CD81: variants seen among roughly 807,000 people sequenced by gnomAD.
CD81 encodes CD81 molecule.
In CD81, 10 loss-of-function variants were observed where a neutral mutation model predicts 30.1. That is an observed-to-expected ratio of 0.33 (90% confidence interval 0.21 to 0.56). The LOEUF (loss-of-function observed/expected upper bound fraction) is 0.56. Ranked by LOEUF, CD81 falls within the 20% of genes least tolerant of loss-of-function variation. The pLI is 0.89. For synonymous variants in CD81, 147 were observed against 126.4 expected (o/e 1.16, Z -1.10); for missense variants, 263 against 308.7 (o/e 0.85, Z 1.11).
intron 6 of CD81, 62 bp downstream of exon 6, chr11:2,396,032 T>C: frequency 8.7e-7 from 1 of 1,151,488 alleles, no homozygotes; most frequent in Non-Finnish European, 1.3e-6. Flanking sequence ...GGTGGGGTCC[T>C]AGGGGTGGGC....
rs868456929 is a variant in CD81 at position 2,390,871 on chromosome 11, G to A, written c.181+345G>A. 2.2e-4 allele frequency among the ~76,000 whole-genome samples: 34 copies of A among 151,980 alleles called. No homozygotes were observed. The Middle Eastern group carries it at 0.02, about 91-fold the overall frequency. On this transcript the variant is annotated intron_variant, in intron 2 of 7. Transcript: ENST00000263645. Reference sequence around the variant, plus strand: ...ACACAGAGCAGCCGAGGCAGCTGGCGCTGTGGAGCCCGGGAGGGAGGGAGG... The same window carrying A: ...ACACAGAGCAGCCGAGGCAGCTGGCACTGTGGAGCCCGGGAGGGAGGGAGG...
intron 3 of CD81, 26 bp downstream of exon 3, chr11:2,394,218 C>T (rs1236725910): frequency 6.5e-7 from 1 of 1,528,552 alleles, no homozygotes; most frequent in East Asian, 2.3e-5. Flanking sequence ...GGGCCTGTGC[C>T]TGGGCCGGGG....
intron 1 of CD81, among the ~76,000 whole-genome samples, chr11:2,381,112 G>T (rs1050489682): frequency 6.6e-6 from 1 of 152,240 alleles, no homozygotes; most frequent in Admixed American, 6.5e-5. Context: ...TGGGTGTGTG[G>T]ACTTTCCCTG....
At chr11:2,384,251 CATCCCCA>C (rs1413943767) in intron 1 of CD81, among the ~76,000 whole-genome samples, 1 of 151,750 alleles carries the variant, frequency 6.6e-6, no homozygotes, top group Non-Finnish European at 1.5e-5. Context: ...AGCCACCCTC[CATCCCCA>C]ATCCCCAGCA....
At chr11:2,396,413 A>G (rs1850004379) in intron 6 of CD81, 1 of 621,050 alleles carries the variant, frequency 1.6e-6, no homozygotes, top group Non-Finnish European at 2.9e-6. Context: ...AGTGTGTCCC[A>G]GGCATTTCGC....
At chr11:2,380,842 G>T (rs1849692996) in intron 1 of CD81, among the ~76,000 whole-genome samples, 1 of 152,252 alleles carries the variant, frequency 6.6e-6, no homozygotes, top group Non-Finnish European at 1.5e-5. Context: ...TCCCCGCAGG[G>T]AGAAGAGCGG....
Position 2,395,968 on chromosome 11 carries a change from A to G in CD81, c.559A>G (p.Lys187Glu), listed in dbSNP as rs773821387. 1 of 1,604,900 alleles carries G rather than the reference A, an allele frequency of 6.2e-7. No individual in the cohort carries two copies. Among genetic ancestry groups the G allele is most frequent in the South Asian group, 1.1e-5 (1 of 90,960 alleles). ...SGSNIISNLF[K>E]EDCHQKIDDL... is the part of the protein sequence containing the mutation. The stretch of plus-strand genomic sequence containing the variant: ...CAGCAACATCATCAGCAACCTCTTC[A>G]AGGTGCGCGAGGCCGGTGGGGCCGC... Residue 187 changes from lysine to glutamate, a missense_variant and splice_region_variant, in exon 6 of 8, where the codon AAG becomes GAG. Around this residue, in one of 3 missense-constraint regions of CD81, gnomAD observed 176 missense variants for 192.9 expected, o/e 0.91. Coordinates refer to ENST00000263645, the MANE Select transcript of CD81 (RefSeq NM_004356.4).
chr11:2,382,061 C>G (rs926812844), intron 1 of CD81, among the ~76,000 whole-genome samples: 1 of 152,192 alleles, frequency 6.6e-6, no homozygotes, highest in Non-Finnish European at 1.5e-5. Flanking sequence ...TCCAGGTAGG[C>G]CCCCAGTGCT....
At chr11:2,394,924 G>C (rs375110519) in intron 3 of CD81, 48 bp from the exon 4 acceptor site, 12 of 1,553,974 alleles carry the variant, frequency 7.7e-6, no homozygotes, top group East Asian at 2.2e-5. Flanking sequence ...CTTGGGCCCC[G>C]CCTACAGCCT....
rs184990654 is a variant in CD81, at chr11:2,378,594, G to T, written c.66+979G>T. Reference sequence around the variant, plus strand: ...TCGCCTTTTGTTTCCATTTCCTGTCGGTGTTAGAATTGGGGAGGGGGTGGA... The same window carrying T: ...TCGCCTTTTGTTTCCATTTCCTGTCTGTGTTAGAATTGGGGAGGGGGTGGA... On this transcript the variant is annotated intron_variant, in intron 1 of 7. Transcript: ENST00000263645. The surrounding 1 kb of genome is among the most constrained non-coding windows in gnomAD (Gnocchi z 4.9). Among the ~76,000 whole-genome samples the T allele has an allele frequency of 2.8e-5, 4 of 143,576 alleles. No homozygotes were observed. The highest frequency in any genetic ancestry group is 6.0e-5 in the African/African-American group (2 of 33,382). The allele number at this position is 143,576 out of a possible 152,430, so 94.2% of individuals were successfully genotyped here. A position where few individuals can be genotyped will look rare whatever the true frequency, so the allele number is the denominator to read the frequency against.
Position 2,377,734 on chromosome 11 carries a change from C to CA in CD81, c.66+120dup. The CA allele has an allele frequency of 4.7e-6, 2 of 421,690 alleles. No individual in the cohort carries two copies. Among genetic ancestry groups the CA allele is most frequent in the Non-Finnish European group, 7.7e-6 (2 of 260,496 alleles). The allele number at this position is 421,690 out of a possible 1,614,324, so 26.1% of individuals were successfully genotyped here. A position where few individuals can be genotyped will look rare whatever the true frequency, so the allele number is the denominator to read the frequency against. On this transcript the variant is annotated intron_variant, in intron 1 of 7. Transcript: ENST00000263645. The surrounding 1 kb of genome is among the most constrained non-coding windows in gnomAD (Gnocchi z 7.7). ...AGCGCGGGCCGCGAAGTTGTGGGGC[C>CA]ACCTGTGGGCTCCAGGAGCGGGGTG...
intron 6 of CD81, 62 bp downstream of exon 6, chr11:2,396,032 TA>T (rs1849994678): frequency 1.7e-6 from 2 of 1,151,488 alleles, no homozygotes; most frequent in Non-Finnish European, 2.6e-6. Flanking sequence ...GGTGGGGTCC[TA>T]GGGGTGGGCA....
At chr11:2,392,168 G>A (rs948371858) in intron 2 of CD81, 2 of 152,270 alleles carry the variant, frequency 1.3e-5, no homozygotes, top group African/African-American at 4.8e-5. Context: ...CTTGGAAGGG[G>A]TCACTCTCCA....
chr11:2,393,898 G>C (rs1201374774), intron 2 of CD81, 197 bp from the exon 3 acceptor site: 1 of 701,970 alleles, frequency 1.4e-6, no homozygotes, highest in Admixed American at 2.0e-5. Context: ...CCTGTGTCAT[G>C]GAAGAGGTAA....
chr11:2,379,756 T>C (rs1187723888), intron 1 of CD81, among the ~76,000 whole-genome samples: 2 of 151,998 alleles, frequency 1.3e-5, no homozygotes, highest in Non-Finnish European at 2.9e-5. Flanking sequence ...ACCGCTCCTC[T>C]CCCCAGGGCC....
chr11:2,386,205 G>T, intron 1 of CD81: 1 of 714,206 alleles, frequency 1.4e-6, no homozygotes, highest in Non-Finnish European at 2.6e-6. Flanking sequence ...ATCTTGCGGG[G>T]AAGGGTCTGT....
At position 2,395,977 on chromosome 11, in the gene CD81, G is replaced by C. The variant is rs758380963; in HGVS notation, c.561+7G>C. 17 of 1,594,234 alleles carry C rather than the reference G, an allele frequency of 1.1e-5. No individual in the cohort carries two copies. Among genetic ancestry groups the C allele is most frequent in the African/African-American group, 4.0e-5 (3 of 74,492 alleles). On this transcript the variant is annotated splice_region_variant and intron_variant, in intron 6 of 7. Coordinates refer to ENST00000263645, the MANE Select transcript of CD81 (RefSeq NM_004356.4). The stretch of plus-strand genomic sequence containing the variant: ...CATCAGCAACCTCTTCAAGGTGCGC[G>C]AGGCCGGTGGGGCCGCGCCTGACCC...
At chr11:2,394,552 G>A (rs544009696) in intron 3 of CD81, among the ~76,000 whole-genome samples, 18 of 152,188 alleles carry the variant, frequency 1.2e-4, no homozygotes, top group African/African-American at 1.7e-4. Flanking sequence ...GCCTATGCCC[G>A]TGTCTCCAGT....
chr11:2,396,751 TGCCCCTTCCGCGGG>T, intron 7 of CD81, 37 bp downstream of exon 7: 1 of 1,611,328 alleles, frequency 6.2e-7, no homozygotes, highest in Non-Finnish European at 8.5e-7. Context: ...CTCTCTGGGC[TGCCCCTTCCGCGGG>T]GCCTTGTGCT....
Sources: gnomAD v4.1 joint callset for allele counts (sites outside exome capture counted in the v4.1 genomes callset) on GRCh38, gnomAD v4.1.1 for gene constraint, gnomAD v4.1.1 regional missense constraint, Gnocchi (gnomAD v3.1) non-coding constraint, MANE v1.5 for transcripts, NCBI Gene and HGNC (gene_info 2026-07-23, HGNC 2026-07-21) for gene names.